FREM2: variants seen among roughly 807,000 people sequenced by gnomAD.
The protein encoded by FREM2 is FRAS1 related extracellular matrix 2, also known as FRAS1-related extracellular matrix protein 2.
FREM2 carries 119 observed loss-of-function variants against 219.9 expected under a neutral mutation model. The ratio of observed to expected loss-of-function variants is 0.54; its 90% CI spans 0.47 to 0.63. The LOEUF is 0.63. Ranked by LOEUF, FREM2 falls within the 30% of genes least tolerant of loss-of-function variation. The pLI is 0.00. For synonymous variants in FREM2, 1,562 were observed against 1,522.8 expected, an observed-to-expected ratio of 1.03 and a Z score of -0.60; for missense variants, 4,030 against 3,993.6, an observed-to-expected ratio of 1.01 and a Z score of -0.25.
chr13:38,696,699 T>C (rs979465305), intron 1 of FREM2, among the ~76,000 whole-genome samples: 1 of 152,180 alleles, frequency 6.6e-6, no homozygotes, highest in Non-Finnish European at 1.5e-5. Flanking sequence ...TTTTAAAAAT[T>C]GTGTCTTCAT....
intron 2 of FREM2, among the ~76,000 whole-genome samples, chr13:38,706,110 A>T (rs1870529057): frequency 6.6e-6 from 1 of 152,240 alleles, no homozygotes; most frequent in African/African-American, 2.4e-5. Flanking sequence ...GTATCTCTGA[A>T]GCTCAGCCTG....
At chr13:38,734,156 T>A (rs1871882835) in intron 2 of FREM2, among the ~76,000 whole-genome samples, 1 of 151,174 alleles carries the variant, frequency 6.6e-6, no homozygotes, top group South Asian at 2.1e-4. Flanking sequence ...GGCTTTGATT[T>A]GCACACACAC....
rs1402701964 is a variant in FREM2, at chr13:38,876,070, C to T, written c.8330C>T (p.Thr2777Ile). 1.2e-6 allele frequency: 2 copies of T among 1,614,050 alleles called. No homozygotes were observed. Among genetic ancestry groups the T allele is most frequent in the Admixed American group, 1.7e-5 (1 of 60,030 alleles). Reference protein sequence around the residue: ...VIMSADHPGLTFSLRLIRSEP... With the variant: ...VIMSADHPGLIFSLRLIRSEP... The stretch of plus-strand genomic sequence containing the variant: ...ATGTCAGCTGATCATCCAGGCCTGA[C>T]ATTTTCCCTCCGCCTCATAAGGAGT... Residue 2777 changes from threonine (T) to isoleucine (I), a missense_variant, in exon 19 of 24, where the codon ACA (threonine) becomes ATA (isoleucine). Coordinates refer to ENST00000280481, the MANE Select transcript of FREM2 (RefSeq NM_207361.6).
At position 38,706,237 on chromosome 13, in the gene FREM2, A is replaced by G. The variant is rs192610194; in HGVS notation, c.5263+8450A>G. 3.7e-3 allele frequency among the ~76,000 whole-genome samples: 558 copies of G among 152,310 alleles called. 4 individuals carry two copies. The highest frequency in any genetic ancestry group is 0.013 in the Admixed American group (203 of 15,288). On this transcript the variant is annotated intron_variant, in intron 2 of 23. Transcript: ENST00000280481. Reference sequence around the variant, plus strand: ...TTCGAAACATCTGGGTTTAGCAAACATGAGGTTCAAAGGGTAGTTTTGATT... The same window carrying G: ...TTCGAAACATCTGGGTTTAGCAAACGTGAGGTTCAAAGGGTAGTTTTGATT...
chr13:38,750,844 C>G (rs1250461240), intron 2 of FREM2, among the ~76,000 whole-genome samples: 25 of 152,140 alleles, frequency 1.6e-4, no homozygotes, highest in Non-Finnish European at 1.5e-5. Flanking sequence ...AGGCACCCAC[C>G]ACCACACCCA....
At chr13:38,876,927 C>G (rs1878360456) in intron 20 of FREM2, among the ~76,000 whole-genome samples, 190 bp from the exon 21 acceptor site, 2 of 152,152 alleles carry the variant, frequency 1.3e-5, no homozygotes, top group African/African-American at 4.8e-5. Flanking sequence ...ATGACTTGAT[C>G]CCACCAGTTT....
chr13:38,865,625 G>A (rs1383874682), intron 16 of FREM2, among the ~76,000 whole-genome samples: 1 of 152,198 alleles, frequency 6.6e-6, no homozygotes, highest in African/African-American at 2.4e-5. Context: ...CCACAGTAAA[G>A]CTGTGGACTT....
chr13:38,769,732 G>A lies in FREM2; in HGVS notation c.5565G>A (p.Val1855=). 1 of 1,614,126 alleles carries A rather than the reference G, an allele frequency of 6.2e-7. No individual in the cohort carries two copies. The highest frequency in any genetic ancestry group is 8.5e-7 in the Non-Finnish European group (1 of 1,179,992). Residue 1855 remains valine, a synonymous_variant, in exon 4 of 24, where the codon GTG becomes GTA. Transcript: ENST00000280481. The part of the protein sequence containing the change: ...GEHEQSETFQ[V]VLSEPVLAAL... ...ATGAGCAGTCTGAAACCTTTCAGGTGGTACTCTCAGAGCCCGTGCTGGCTG... is the reference window on the plus strand; with the variant it reads ...ATGAGCAGTCTGAAACCTTTCAGGTAGTACTCTCAGAGCCCGTGCTGGCTG...
rs1011222435 is a variant in FREM2 at position 38,687,748 on chromosome 13, A to G, written c.404A>G (p.Glu135Gly). 2 of 1,543,920 alleles carry G rather than the reference A, an allele frequency of 1.3e-6. No individual in the cohort carries two copies. Among genetic ancestry groups the G allele is most frequent in the Non-Finnish European group, 8.8e-7 (1 of 1,142,358 alleles). ...KRFPCDFGPG[E>G]VRYSHLGARS... is the part of the protein sequence containing the mutation. ...TTCCCGTGCGACTTTGGCCCTGGCG[A>G]GGTGCGCTACTCTCACCTGGGCGCG... The change falls in exon 1 of 24, where the codon GAG becomes GGG. Residue 135 changes from glutamate to glycine, a missense_variant. Glu to Gly is a moderately conservative substitution (Grantham distance 98, BLOSUM62 -2). Around this residue, in one of 2 missense-constraint regions of FREM2, gnomAD observed 3,102 missense variants for 2,950.7 expected, o/e 1.05. Coordinates refer to ENST00000280481, the MANE Select transcript of FREM2 (RefSeq NM_207361.6).
chr13:38,711,416 T>A (rs890576311), intron 2 of FREM2, among the ~76,000 whole-genome samples: 4 of 152,178 alleles, frequency 2.6e-5, no homozygotes, highest in Admixed American at 1.3e-4. Flanking sequence ...TGTGGTAAAG[T>A]AAACCTATCT....
intron 6 of FREM2, among the ~76,000 whole-genome samples, chr13:38,821,276 T>G (rs1876039809): frequency 6.6e-6 from 1 of 152,028 alleles, no homozygotes; most frequent in Non-Finnish European, 1.5e-5. Context: ...ATTTTTTTTT[T>G]GTAATTGGCC....
Position 38,886,897 on chromosome 13 carries a change from G to T in FREM2, c.*6110G>T, listed in dbSNP as rs1411296062. ...AATAGCCTTTTTTATTTTCGCATGAGAATTTTTCAAAAACTATCAGGGTCT... is the reference window on the plus strand; with the variant it reads ...AATAGCCTTTTTTATTTTCGCATGATAATTTTTCAAAAACTATCAGGGTCT... On this transcript the variant is annotated 3_prime_UTR_variant, in exon 24 of 24. Coordinates refer to ENST00000280481, the MANE Select transcript of FREM2 (RefSeq NM_207361.6). The T allele has an allele frequency of 6.6e-6, 1 of 152,084 alleles. No homozygotes were observed. The highest frequency in any genetic ancestry group is 1.5e-5 in the Non-Finnish European group (1 of 68,026). 9.4% of individuals were successfully genotyped at this position (152,084 alleles called of 1,614,324 possible).
intron 6 of FREM2, among the ~76,000 whole-genome samples, chr13:38,789,652 G>T (rs1874480179): frequency 6.7e-6 from 1 of 150,362 alleles, no homozygotes; most frequent in Non-Finnish European, 1.5e-5. Context: ...CTTCCAGTTG[G>T]CTAATTCTCT....
At chr13:38,749,555 G>A (rs1277280669) in intron 2 of FREM2, among the ~76,000 whole-genome samples, 2 of 152,084 alleles carry the variant, frequency 1.3e-5, no homozygotes, top group African/African-American at 4.8e-5. Context: ...TTGACATTTG[G>A]GGCCAGATAA....
intron 16 of FREM2, among the ~76,000 whole-genome samples, chr13:38,871,157 T>C (rs1878143348): frequency 6.6e-6 from 1 of 152,176 alleles, no homozygotes; most frequent in African/African-American, 2.4e-5. Flanking sequence ...TGCTAACTAC[T>C]ATACTATACA....
At position 38,687,412 on chromosome 13, in the gene FREM2, G is replaced by T. The variant is rs757084129; in HGVS notation, c.68G>T (p.Gly23Val). 1.2e-6 allele frequency: 2 copies of T among 1,606,582 alleles called. No individual in the cohort carries two copies. Among genetic ancestry groups the T allele is most frequent in the Non-Finnish European group, 1.7e-6 (2 of 1,177,108 alleles). Residue 23 changes from glycine to valine, a missense_variant, in exon 1 of 24, where the codon GGA becomes GTA. Gly to Val is a moderately radical substitution (Grantham distance 109, BLOSUM62 -3). Around this residue, in one of 2 missense-constraint regions of FREM2, gnomAD observed 3,102 missense variants for 2,950.7 expected, o/e 1.05. Transcript: ENST00000280481. ...RTGNSTSFQP[G>V]PPPPPRLLLL... ...GGCAACTCCACCAGCTTTCAACCAG[G>T]ACCGCCACCGCCGCCCCGGCTGCTG...
At chr13:38,821,848 G>A (rs930225529) in intron 6 of FREM2, 1 of 152,222 alleles carries the variant, frequency 6.6e-6, no homozygotes, top group African/African-American at 2.4e-5. Context: ...CAAGGCAAAG[G>A]GTAAGTCCAG....
intron 17 of FREM2, 121 bp from the exon 18 acceptor site, chr13:38,874,361 A>G: frequency 1.3e-6 from 1 of 774,548 alleles, no homozygotes. Context: ...TTCTTCTGAT[A>G]ATACCCTTTG....
intron 14 of FREM2, among the ~76,000 whole-genome samples, chr13:38,860,523 A>G (rs1315561195): frequency 6.6e-6 from 1 of 152,218 alleles, no homozygotes; most frequent in Non-Finnish European, 1.5e-5. Context: ...TGACTACTAT[A>G]TATTCAGGAT....
Sources: allele counts gnomAD v4.1 joint callset (sites outside exome capture counted in the v4.1 genomes callset), GRCh38; gene constraint gnomAD v4.1.1; regional missense constraint gnomAD v4.1.1; transcripts MANE v1.5; gene names NCBI Gene and HGNC (gene_info 2026-07-23, HGNC 2026-07-21).